The following SUN1 variants were observed in gnomAD, a reference collection of about 807,000 sequenced individuals.
The protein encoded by SUN1 is SUN domain-containing protein 1.
Under a neutral mutation model 103.2 loss-of-function variants are expected in SUN1, and 61 were observed. The ratio of observed to expected loss-of-function variants is 0.59; its 90% CI spans 0.48 to 0.73. The LOEUF is 0.73. Ranked by LOEUF, SUN1 falls within the 30% of genes least tolerant of loss-of-function variation. SUN1 has a pLI of 0.00. For synonymous variants in SUN1, 490 were observed against 425.7 expected (o/e 1.15, Z -1.86); for missense variants, 1,052 against 1,034.6 (o/e 1.02, Z -0.23).
At position 853,571 on chromosome 7, in the gene SUN1, G is replaced by A. The variant is rs201437034; in HGVS notation, c.1216G>A (p.Gly406Arg). The change falls in exon 10 of 19, where the codon GGG becomes AGG. Residue 406 changes from glycine to arginine, a missense_variant. Transcript: ENST00000401592. ...RVDQMEGGAAGPSASVRDAVG... is the reference protein window; with the variant it reads ...RVDQMEGGAARPSASVRDAVG... ...GGACCAGATGGAAGGCGGCGCTGCC[G>A]GGCCGTCAGCTTCGGTCAGAGACGC... 369 of 1,609,982 alleles carry A rather than the reference G, an allele frequency of 2.3e-4. No homozygotes were observed. Among genetic ancestry groups the A allele is most frequent in the East Asian group, 3.6e-4 (16 of 44,888 alleles).
chr7:851,263 A>G, intron 5 of SUN1, 121 bp from the exon 6 acceptor site: 1 of 713,868 alleles, frequency 1.4e-6, no homozygotes, highest in Non-Finnish European at 2.3e-6. Flanking sequence ...TTTTGAGGAG[A>G]CTCTTGACCC....
upstream of SUN1, among the ~76,000 whole-genome samples, chr7:830,082 C>T (rs1335526551): frequency 1.3e-5 from 2 of 152,066 alleles, no homozygotes; most frequent in South Asian, 2.1e-4. Flanking sequence ...TAAAATGATC[C>T]GTGTCGTGGT....
intron 1 of SUN1, among the ~76,000 whole-genome samples, chr7:827,375 A>G (rs943246003): frequency 6.6e-6 from 1 of 151,728 alleles, no homozygotes; most frequent in Non-Finnish European, 1.5e-5. Context: ...AGATTTTTCA[A>G]CCATGTTCTC....
chr7:815,937 C>T (rs1780243155), upstream of SUN1: 2 of 206,998 alleles, frequency 9.7e-6, no homozygotes, highest in Admixed American at 1.3e-4. Context: ...GAGGTGAGCC[C>T]CGTCGGAAGT....
Position 874,617 on chromosome 7 carries a change from T to G in SUN1, c.*1286T>G, listed in dbSNP as rs1036633023. 1 of 152,294 alleles carries G rather than the reference T, an allele frequency of 6.6e-6. No homozygotes were observed. Among genetic ancestry groups the G allele is most frequent in the Non-Finnish European group, 1.5e-5 (1 of 68,020 alleles). 9.4% of individuals were successfully genotyped at this position (152,294 alleles called of 1,614,324 possible). A position where few individuals can be genotyped will look rare whatever the true frequency, so the allele number is the denominator to read the frequency against. On this transcript the variant is annotated 3_prime_UTR_variant, in exon 19 of 19. Transcript: ENST00000401592. ...TCAAGCAGCATTTTTTTCACTCTCC[T>G]TAGAATTGGAACTATGCAGTTAAGG...
Position 873,574 on chromosome 7 carries a change from C to T in SUN1, c.*243C>T, listed in dbSNP as rs1562867211. The stretch of plus-strand genomic sequence containing the variant: ...AGAAGCGTGTTGAACACGTGGCTCT[C>T]AGACACTCCTTGTTTTTAACGGGAA... On this transcript the variant is annotated 3_prime_UTR_variant, in exon 19 of 19. Transcript: ENST00000401592. 4.4e-6 allele frequency: 2 copies of T among 453,692 alleles called. No individual in the cohort carries two copies. Among genetic ancestry groups the T allele is most frequent in the Non-Finnish European group, 7.9e-6 (2 of 253,802 alleles). The allele number at this position is 453,692 out of a possible 1,614,324, so 28.1% of individuals were successfully genotyped here.
At chr7:842,187 A>G in intron 3 of SUN1, 57 bp downstream of exon 3, 9 of 1,579,284 alleles carry the variant, frequency 5.7e-6, no homozygotes, top group Non-Finnish European at 6.1e-6. Context: ...TTCTCAGATT[A>G]TGCTGGGGAG....
At chr7:820,810 T>G (rs969518742) in intron 1 of SUN1, among the ~76,000 whole-genome samples, 1 of 152,220 alleles carries the variant, frequency 6.6e-6, no homozygotes, top group Non-Finnish European at 1.5e-5. Context: ...TCACATGGCT[T>G]TGCCTAATTG....
In SUN1 at chr7:841,991, C is replaced by G; in HGVS notation, c.312C>G (p.Ile104Met). ...GCACAAACAAATCAGCTTTTAGTAT[C>G]AACCACGTGTCAAGGCAGGTCACGT... is the stretch of plus-strand genomic sequence containing the variant. ...RRSTNKSAFS[I>M]NHVSRQVTSS... Residue 104 changes from isoleucine (I) to methionine (M), a missense_variant, in exon 3 of 19, where the codon ATC (isoleucine) becomes ATG (methionine). Ile to Met is a conservative substitution (Grantham distance 10). Transcript: ENST00000401592. 6.2e-7 allele frequency: 1 copy of G among 1,614,172 alleles called. No homozygotes were observed. The highest frequency in any genetic ancestry group is 2.2e-5 in the East Asian group (1 of 44,880).
chr7:817,113 G>C (rs1445862597), intron 1 of SUN1, among the ~76,000 whole-genome samples: 35 of 151,834 alleles, frequency 2.3e-4, no homozygotes, highest in Admixed American at 2.3e-3. Flanking sequence ...CGGGGCCGTG[G>C]GTGGGGTGGT....
intron 1 of SUN1, among the ~76,000 whole-genome samples, chr7:819,559 A>C (rs1189753891): frequency 6.6e-6 from 1 of 151,940 alleles, no homozygotes; most frequent in Admixed American, 6.6e-5. Context: ...TTGCACGTGG[A>C]TTTTGTTCAA....
intron 1 of SUN1, among the ~76,000 whole-genome samples, chr7:834,905 G>T (rs954705773): frequency 1.3e-5 from 2 of 151,994 alleles, no homozygotes; most frequent in African/African-American, 4.8e-5. Context: ...GTGAAACCCC[G>T]TCTCTACTAA....
chr7:852,617 G>T lies in SUN1; in HGVS notation c.860G>T (p.Arg287Leu). 6.2e-7 allele frequency: 1 copy of T among 1,614,142 alleles called. No individual in the cohort carries two copies. Among genetic ancestry groups the T allele is most frequent in the Non-Finnish European group, 8.5e-7 (1 of 1,180,028 alleles). Residue 287 changes from arginine to leucine, a missense_variant, in exon 8 of 19, where the codon CGA becomes CTA. Around this residue, in one of 2 missense-constraint regions of SUN1, gnomAD observed 846 missense variants for 774.5 expected, o/e 1.09. Coordinates refer to ENST00000401592, the MANE Select transcript of SUN1 (RefSeq NM_001130965.3). ...LNVFLLTRCL[R>L]NICKFLVLLI... is the part of the protein sequence containing the mutation. ...TTCATTGTTACTCCCAGGTGCCTTC[G>T]AAACATCTGCAAGTTTTTAGTCTTG...
intron 1 of SUN1, among the ~76,000 whole-genome samples, chr7:824,438 T>C (rs1320828877): frequency 1.3e-5 from 2 of 152,242 alleles, no homozygotes; most frequent in African/African-American, 4.8e-5. Flanking sequence ...AAGGAAATTC[T>C]GTGCACTCTA....
chr7:841,245 T>TA (rs34316755), intron 2 of SUN1, among the ~76,000 whole-genome samples: 1 of 20,288 alleles, frequency 4.9e-5, no homozygotes, highest in African/African-American at 1.8e-4. Flanking sequence ...TGACCACCTA[T>TA]TTTTTTTTTT....
rs1843502366 is a variant in SUN1 at position 874,917 on chromosome 7, A to AGTCTATTTCTTT, written c.*1587_*1598dup. 6.6e-6 allele frequency: 1 copy of AGTCTATTTCTTT among 152,070 alleles called. No individual in the cohort carries two copies. Among genetic ancestry groups the AGTCTATTTCTTT allele is most frequent in the Non-Finnish European group, 1.5e-5 (1 of 68,044 alleles). The allele number at this position is 152,070 out of a possible 1,614,324, so 9.4% of individuals were successfully genotyped here. ...TTTTAAAAGGGCATGGGATATAAAC[A>AGTCTATTTCTTT]GTCTATTTCTTTTCTCAGTTTGTCT... On this transcript the variant is annotated 3_prime_UTR_variant, in exon 19 of 19. Coordinates refer to ENST00000401592, the MANE Select transcript of SUN1 (RefSeq NM_001130965.3).
chr7:816,658 C>A (rs1352265785), exon 1 of SUN1: 2 of 270,798 alleles, frequency 7.4e-6, no homozygotes, highest in Non-Finnish European at 7.4e-6. Flanking sequence ...AGGCCTGAGG[C>A]GGCGGCGCGA....
intron 17 of SUN1, 55 bp from the exon 18 acceptor site, chr7:872,415 T>C: frequency 1.4e-6 from 2 of 1,458,260 alleles, no homozygotes; most frequent in Non-Finnish European, 1.9e-6. Context: ...AACGGTCCTC[T>C]CTGCTCAGTG....
intron 17 of SUN1, among the ~76,000 whole-genome samples, chr7:871,123 T>C (rs1841365367): frequency 6.6e-6 from 1 of 152,088 alleles, no homozygotes; most frequent in Non-Finnish European, 1.5e-5. Flanking sequence ...ACTCCCGACC[T>C]CAGCCCTCTT....
Sources: gnomAD v4.1 joint callset for allele counts (sites outside exome capture counted in the v4.1 genomes callset) on GRCh38, gnomAD v4.1.1 for gene constraint, gnomAD v4.1.1 regional missense constraint, MANE v1.5 for transcripts, NCBI Gene and HGNC (gene_info 2026-07-23, HGNC 2026-07-21) for gene names.